Variants in HDAC7 observed in about 807,000 individuals in gnomAD.
HDAC7 encodes the protein histone deacetylase 7A.
HDAC7 carries 26 observed loss-of-function variants against 115.5 expected under a neutral mutation model. The ratio of observed to expected loss-of-function variants is 0.23; its 90% CI spans 0.16 to 0.31. The LOEUF (loss-of-function observed/expected upper bound fraction) is 0.31. HDAC7 is among the 10% of genes least tolerant of loss of function. The pLI is 1.00. For missense variants in HDAC7, 1,068 were observed against 1,329.0 expected, an observed-to-expected ratio of 0.80 and a Z score of 3.05; for synonymous variants, 564 against 550.9, an observed-to-expected ratio of 1.02 and a Z score of -0.33.
chr12:47,819,539 C>T (rs2137089747), intron 1 of HDAC7, among the ~76,000 whole-genome samples: 1 of 151,970 alleles, frequency 6.6e-6, no homozygotes, highest in South Asian at 2.1e-4. Context: ...GAGGCCCGAG[C>T]CCTCCGGCCC....
In HDAC7 at chr12:47,793,583, C is replaced by A; in HGVS notation, c.1464G>T (p.Leu488Phe). The A allele has an allele frequency of 6.5e-7, 1 of 1,538,098 alleles. No homozygotes were observed. Among genetic ancestry groups the A allele is most frequent in the Non-Finnish European group, 8.8e-7 (1 of 1,140,296 alleles). The part of the protein sequence containing the change: ...PAPLQQHPQV[L>F]LWEQQRLAGR... Reference sequence around the variant, plus strand: ...CAGCCAGTCGCTGCTGTTCCCAGAGCAACACCTAGGGGAAAGATGGGGCCT... The same window carrying A: ...CAGCCAGTCGCTGCTGTTCCCAGAGAAACACCTAGGGGAAAGATGGGGCCT... Residue 488 changes from leucine to phenylalanine, a missense_variant, in exon 13 of 26, where the codon TTG becomes TTT. By Grantham distance (22) the Leu-to-Phe change is conservative (BLOSUM62 0). Around this residue, in one of 6 missense-constraint regions of HDAC7, gnomAD observed 618 missense variants for 701.5 expected, o/e 0.88. Transcript: ENST00000080059. The surrounding 1 kb of genome is among the most constrained non-coding windows in gnomAD (Gnocchi z 4.5).
chr12:47,794,629 C>A, intron 12 of HDAC7, 131 bp downstream of exon 12: 2 of 889,916 alleles, frequency 2.2e-6, no homozygotes, highest in Admixed American at 6.9e-5. Context: ...CACCCAGGAT[C>A]TTATAGGGCA....
At chr12:47,807,677 A>G (rs762442308) in intron 1 of HDAC7, among the ~76,000 whole-genome samples, 128 of 151,958 alleles carry the variant, frequency 8.4e-4, no homozygotes, top group Non-Finnish European at 1.1e-3. Flanking sequence ...GACCCGTGCC[A>G]GCAGCAATCC....
intron 1 of HDAC7, among the ~76,000 whole-genome samples, chr12:47,806,943 C>A (rs1224141193): frequency 6.8e-6 from 1 of 147,860 alleles, no homozygotes; most frequent in East Asian, 2.0e-4. Flanking sequence ...CTCTCTCTCT[C>A]TCTTTTTTTT....
At chr12:47,784,944 T>C (rs1289152100) in intron 24 of HDAC7, 1 of 627,080 alleles carries the variant, frequency 1.6e-6, no homozygotes, top group Non-Finnish European at 2.7e-6. Flanking sequence ...TCAATAGATG[T>C]TGAGTTGAAG....
In HDAC7 at chr12:47,819,652, G is replaced by A. The variant is rs573189302; in HGVS notation, c.19+115C>T. The A allele has an allele frequency of 3.6e-3, 620 of 170,816 alleles. 2 individuals are homozygous for A. The highest frequency in any genetic ancestry group is 0.012 in the South Asian group (72 of 6,024). The allele number at this position is 170,816 out of a possible 1,614,324, so 10.6% of individuals were successfully genotyped here. A position where few individuals can be genotyped will look rare whatever the true frequency, so the allele number is the denominator to read the frequency against. ...CGGGCTGGGCCCGCGGGGCTGGCGG[G>A]AGCCCGAGCCGGAGCCGGAGCCGGA... On this transcript the variant is annotated intron_variant, in intron 1 of 25. Coordinates refer to ENST00000080059, the MANE Select transcript of HDAC7 (RefSeq NM_015401.5).
intron 1 of HDAC7, among the ~76,000 whole-genome samples, chr12:47,813,711 G>T (rs917961603): frequency 6.6e-6 from 1 of 152,234 alleles, no homozygotes; most frequent in Non-Finnish European, 1.5e-5. Flanking sequence ...TGCTGTGGGG[G>T]CTGTGGAGCT....
chr12:47,795,555 C>T lies in HDAC7; in HGVS notation c.1087+32G>A. On this transcript the variant is annotated intron_variant, in intron 10 of 25. Transcript: ENST00000080059. The surrounding 1 kb of genome is among the most constrained non-coding windows in gnomAD (Gnocchi z 4.3). ...TGGCTCTTAGCAGGGTGCAGGGACC[C>T]AGCCCCTTCCCTGAAGAAGCAGCAG... 1 of 1,545,142 alleles carries T rather than the reference C, an allele frequency of 6.5e-7. No individual in the cohort carries two copies. The highest frequency in any genetic ancestry group is 2.4e-5 in the East Asian group (1 of 40,964).
intron 7 of HDAC7, 73 bp downstream of exon 7, chr12:47,796,942 GGT>G (rs1287135975): frequency 1.4e-6 from 2 of 1,470,792 alleles, no homozygotes; most frequent in African/African-American, 2.8e-5. Context: ...CCCCTGTCTA[GGT>G]GGGGCCTGAC....
At chr12:47,809,716 G>A (rs929314945) in intron 1 of HDAC7, among the ~76,000 whole-genome samples, 3 of 151,546 alleles carry the variant, frequency 2.0e-5, no homozygotes, top group East Asian at 2.0e-4. Context: ...GATTACAGGC[G>A]TGCGCCAACA....
rs1241098317 is a variant in HDAC7 at position 47,792,478 on chromosome 12, T to C, written c.1679-474A>G. 5 of 343,648 alleles carry C rather than the reference T, an allele frequency of 1.5e-5. No individual in the cohort carries two copies. The Admixed American group carries it at 1.5e-4, about 11-fold the overall frequency. The allele number at this position is 343,648 out of a possible 1,614,324, so 21.3% of individuals were successfully genotyped here. A position where few individuals can be genotyped will look rare whatever the true frequency, so the allele number is the denominator to read the frequency against. ...AAACCGGGAGCTAAGAAGCCCACGA[T>C]GACACTGGACCATGTGATAGACAAA... is the stretch of plus-strand genomic sequence containing the variant. On this transcript the variant is annotated intron_variant, in intron 13 of 25. Coordinates refer to ENST00000080059, the MANE Select transcript of HDAC7 (RefSeq NM_015401.5).
rs750808459 is a variant in HDAC7, at chr12:47,795,732, G to A, written c.942C>T (p.Gly314=). The A allele has an allele frequency of 6.5e-7, 1 of 1,544,316 alleles. No homozygotes were observed. The highest frequency in any genetic ancestry group is 1.2e-5 in the South Asian group (1 of 82,730). Residue 314 remains glycine (G), a synonymous_variant, in exon 10 of 26, where the codon GGC becomes GGT. Coordinates refer to ENST00000080059, the MANE Select transcript of HDAC7 (RefSeq NM_015401.5). This position sits in a 1 kb window ranked among gnomAD's most constrained non-coding sequence, Gnocchi z 4.3. ...DSDRRTHPTL[G]PRGPILGSPH... ...GGCTCCCCAGGATTGGCCCCCGAGG[G>A]CCCAGAGTCGGATGGGTCCTGCGGT...
intron 24 of HDAC7, chr12:47,785,031 G>A (rs892223138): frequency 4.9e-5 from 28 of 572,596 alleles, no homozygotes; most frequent in Non-Finnish European, 8.7e-5. Context: ...CTCCTGAGAC[G>A]CCTGTGGCCA....
At position 47,795,776 on chromosome 12, in the gene HDAC7, G is replaced by A. The variant is rs1351180948; in HGVS notation, c.907-9C>T. On this transcript the variant is annotated splice_polypyrimidine_tract_variant and intron_variant, in intron 9 of 25. Transcript: ENST00000080059. The surrounding 1 kb of genome is among the most constrained non-coding windows in gnomAD (Gnocchi z 4.3). The stretch of plus-strand genomic sequence containing the variant: ...CTGCGGTCACTGTCAGCCTGGGGGA[G>A]AGGCGGGAGAAGTCACGGGGAAGAA... The A allele has an allele frequency of 2.6e-6, 4 of 1,521,558 alleles. No homozygotes were observed. The highest frequency in any genetic ancestry group is 2.8e-5 in the African/African-American group (2 of 72,360). The allele number at this position is 1,521,558 out of a possible 1,614,324, so 94.3% of individuals were successfully genotyped here.
chr12:47,798,790 T>G lies in HDAC7; in HGVS notation c.253A>C (p.Met85Leu), dbSNP rs147027482. The change falls in exon 3 of 26, where the codon ATG becomes CTG. Residue 85 changes from methionine (M) to leucine (L), a missense_variant. By Grantham distance (15) the Met-to-Leu change is conservative. Transcript: ENST00000080059. This position sits in a 1 kb window ranked among gnomAD's most constrained non-coding sequence, Gnocchi z 4.3. ...GCAGGGAGCTCCATCTTTACCCTCA[T>G]GGGCTCCACCGAGCGCTGCTGCTGC... ...GLQQQRSVEP[M>L]RLSMDTPMPE... 34 of 1,556,160 alleles carry G rather than the reference T, an allele frequency of 2.2e-5. No individual in the cohort carries two copies. Among genetic ancestry groups the G allele is most frequent in the African/African-American group, 8.2e-5 (6 of 73,266 alleles).
chr12:47,798,078 G>C lies in HDAC7; in HGVS notation c.461+30C>G, dbSNP rs1403750369. 6.6e-7 allele frequency: 1 copy of C among 1,507,692 alleles called. No homozygotes were observed. Among genetic ancestry groups the C allele is most frequent in the Non-Finnish European group, 9.2e-7 (1 of 1,083,142 alleles). The allele number at this position is 1,507,692 out of a possible 1,614,324, so 93.4% of individuals were successfully genotyped here. A position where few individuals can be genotyped will look rare whatever the true frequency, so the allele number is the denominator to read the frequency against. On this transcript the variant is annotated intron_variant, in intron 5 of 25. Transcript: ENST00000080059. This position sits in a 1 kb window ranked among gnomAD's most constrained non-coding sequence, Gnocchi z 4.3. ...GGGCGGGGGTGGAGGGTGCATGTGG[G>C]GACAGGAGGGCAGGTGAGGAGGGTG...
upstream of HDAC7, among the ~76,000 whole-genome samples, chr12:47,820,328 G>A (rs950497837): frequency 1.3e-5 from 2 of 152,190 alleles, no homozygotes; most frequent in African/African-American, 4.8e-5. This position sits in a 1 kb window ranked among gnomAD's most constrained non-coding sequence, Gnocchi z 4.3. Flanking sequence ...GGGGCTTCGG[G>A]GTGGACCCCC....
At chr12:47,808,022 G>GA (rs1201132706) in intron 1 of HDAC7, among the ~76,000 whole-genome samples, 1 of 152,250 alleles carries the variant, frequency 6.6e-6, no homozygotes, top group African/African-American at 2.4e-5. Flanking sequence ...GCTGCCAGGT[G>GA]AGCCAGCCGG....
At chr12:47,820,969 T>A (rs1027673005), upstream of HDAC7, among the ~76,000 whole-genome samples, 1 of 152,174 alleles carries the variant, frequency 6.6e-6, no homozygotes, top group Non-Finnish European at 1.5e-5. This position sits in a 1 kb window ranked among gnomAD's most constrained non-coding sequence, Gnocchi z 4.3. Context: ...GACCTCGCCA[T>A]TGTGCTTCCT....
Sources: gnomAD v4.1 joint callset for allele counts (sites outside exome capture counted in the v4.1 genomes callset) on GRCh38, gnomAD v4.1.1 for gene constraint, gnomAD v4.1.1 regional missense constraint, Gnocchi (gnomAD v3.1) non-coding constraint, MANE v1.5 for transcripts, NCBI Gene and HGNC (gene_info 2026-07-23, HGNC 2026-07-21) for gene names.